CHIC2: variants seen among roughly 807,000 people sequenced by gnomAD.
The protein encoded by CHIC2 is cysteine rich hydrophobic domain 2.
A neutral mutation model predicts 25.9 loss-of-function variants in CHIC2; 14 were observed. That is an observed-to-expected ratio of 0.54 (90% CI 0.36 to 0.85). The LOEUF is 0.85. Among genes scored for constraint, CHIC2 ranks in the 40% least tolerant of loss-of-function variants. The pLI is 0.01. For missense variants in CHIC2, 146 were observed against 202.0 expected, an observed-to-expected ratio of 0.72 and a Z score of 1.68; for synonymous variants, 70 against 72.0, an observed-to-expected ratio of 0.97 and a Z score of 0.14.
At chr4:54,044,488 G>A (rs952242695) in intron 3 of CHIC2, among the ~76,000 whole-genome samples, 3 of 152,188 alleles carry the variant, frequency 2.0e-5, no homozygotes, top group Non-Finnish European at 4.4e-5. Context: ...TCAGGATTAA[G>A]AAACTCACTC....
At chr4:54,071,463 A>G in the CHIC2 span, among the ~76,000 whole-genome samples, 1 of 152,252 alleles carries the variant, frequency 6.6e-6, no homozygotes, top group African/African-American at 2.4e-5. Context: ...TTTAGACATT[A>G]TAAAACTGAA....
At position 54,064,224 on chromosome 4, in the gene CHIC2, G is replaced by C; in HGVS notation, c.77C>G (p.Ser26Trp). Residue 26 changes from serine (S) to tryptophan (W), a missense_variant, in exon 1 of 6, where the codon TCG (serine) becomes TGG (tryptophan). By Grantham distance (177) the Ser-to-Trp change is radical. Coordinates refer to ENST00000263921, the MANE Select transcript of CHIC2 (RefSeq NM_012110.4). The surrounding 1 kb of genome is among the most constrained non-coding windows in gnomAD (Gnocchi z 4.2). ...RALEEQLLKY[S>W]PDPVVVRGSG... ...GCCGCGGACGACCACCGGGTCCGGC[G>C]AGTACTTGAGCAGCTGCTCCTCCAG... 6.2e-7 allele frequency: 1 copy of C among 1,608,250 alleles called. No individual in the cohort carries two copies. The highest frequency in any genetic ancestry group is 8.5e-7 in the Non-Finnish European group (1 of 1,177,504).
intron 3 of CHIC2, among the ~76,000 whole-genome samples, chr4:54,026,402 C>T (rs1167684960): frequency 6.6e-6 from 1 of 151,884 alleles, no homozygotes; most frequent in Non-Finnish European, 1.5e-5. Context: ...CACCTGTAGC[C>T]CCAGCTACTT....
chr4:54,018,750 T>C (rs1715813686), intron 3 of CHIC2, among the ~76,000 whole-genome samples: 1 of 152,088 alleles, frequency 6.6e-6, no homozygotes, highest in Non-Finnish European at 1.5e-5. Flanking sequence ...GCTAATAAAA[T>C]GTACAGAATA....
chr4:54,090,902 CA>C, the CHIC2 span, among the ~76,000 whole-genome samples: 1 of 151,802 alleles, frequency 6.6e-6, no homozygotes, highest in African/African-American at 2.4e-5. Flanking sequence ...ACAGAGGCGA[CA>C]AAACTTGTGT....
chr4:54,040,565 G>C (rs1465981171), intron 3 of CHIC2, among the ~76,000 whole-genome samples: 2 of 152,022 alleles, frequency 1.3e-5, no homozygotes, highest in East Asian at 1.9e-4. Context: ...GCTGGGCATA[G>C]TGTCAGGAGC....
At position 54,009,804 on chromosome 4, in the gene CHIC2, C is replaced by T; in HGVS notation, c.*291G>A. On this transcript the variant is annotated 3_prime_UTR_variant, in exon 6 of 6. Transcript: ENST00000263921. ...GGCTGGCCACTTTTTATGCTAAGTT[C>T]AAATGTATTTTTTTGATAATACAAA... 1 of 269,686 alleles carries T rather than the reference C, an allele frequency of 3.7e-6. No homozygotes were observed. 16.7% of individuals were successfully genotyped at this position (269,686 alleles called of 1,614,324 possible).
At chr4:54,054,148 T>C (rs1476312012) in intron 1 of CHIC2, among the ~76,000 whole-genome samples, 1 of 152,230 alleles carries the variant, frequency 6.6e-6, no homozygotes, top group African/African-American at 2.4e-5. Context: ...GAATATTTTA[T>C]TTGGTATTAA....
At chr4:54,026,520 A>G (rs1716062990) in intron 3 of CHIC2, among the ~76,000 whole-genome samples, 1 of 151,480 alleles carries the variant, frequency 6.6e-6, no homozygotes, top group African/African-American at 2.4e-5. Context: ...ACTCTGTCTC[A>G]AAAAAAAAGA....
At chr4:54,071,127 C>G in the CHIC2 span, among the ~76,000 whole-genome samples, 1 of 152,298 alleles carries the variant, frequency 6.6e-6, no homozygotes, top group South Asian at 2.1e-4. Context: ...GGAAGATGAT[C>G]TAAACTAGGC....
chr4:54,017,950 A>G (rs1040955104), intron 3 of CHIC2, among the ~76,000 whole-genome samples: 2 of 152,218 alleles, frequency 1.3e-5, no homozygotes, highest in East Asian at 3.8e-4. Flanking sequence ...TTAACAGGAG[A>G]TTTAAAAAAT....
upstream of CHIC2, among the ~76,000 whole-genome samples, chr4:54,068,154 A>G (rs986221301): frequency 2.0e-5 from 3 of 152,132 alleles, no homozygotes; most frequent in Admixed American, 1.3e-4. Flanking sequence ...CAGGAACCAA[A>G]TCATCAGGAA....
intron 1 of CHIC2, among the ~76,000 whole-genome samples, chr4:54,063,962 GTA>G (rs1491201806): frequency 4.6e-5 from 7 of 152,262 alleles, no homozygotes; most frequent in Non-Finnish European, 8.8e-5. Context: ...GCCCGGGCCT[GTA>G]GGGCCTGCTA....
At chr4:54,045,584 T>G (rs1433921628) in intron 3 of CHIC2, among the ~76,000 whole-genome samples, 1 of 151,948 alleles carries the variant, frequency 6.6e-6, no homozygotes, top group Non-Finnish European at 1.5e-5. Context: ...AAAAGGCCTT[T>G]GACAAAATTC....
At chr4:54,038,471 C>A (rs531279812) in intron 3 of CHIC2, among the ~76,000 whole-genome samples, 2 of 151,954 alleles carry the variant, frequency 1.3e-5, no homozygotes, top group South Asian at 2.1e-4. Context: ...ACAAAAAAAA[C>A]GTCAAAGACC....
chr4:54,044,650 G>A (rs1361880200), intron 3 of CHIC2, among the ~76,000 whole-genome samples: 3 of 152,122 alleles, frequency 2.0e-5, no homozygotes, highest in African/African-American at 4.8e-5. Flanking sequence ...TCAAAGCAGT[G>A]TGTAGAGGGA....
chr4:54,080,696 G>A, the CHIC2 span, among the ~76,000 whole-genome samples: 23 of 150,694 alleles, frequency 1.5e-4, no homozygotes, highest in African/African-American at 5.1e-4. Context: ...AACCCAGGAG[G>A]TGGAGGCCGA....
chr4:54,040,087 C>T (rs929851951), intron 3 of CHIC2, among the ~76,000 whole-genome samples: 2 of 152,052 alleles, frequency 1.3e-5, no homozygotes, highest in African/African-American at 4.8e-5. Flanking sequence ...TACTACAGCA[C>T]AAGTAAGTTT....
chr4:54,073,528 G>A, the CHIC2 span, among the ~76,000 whole-genome samples: 1 of 152,176 alleles, frequency 6.6e-6, no homozygotes, highest in Admixed American at 6.5e-5. Context: ...AGACTCACAT[G>A]AACAGGAACT....
Sources: gnomAD v4.1 joint callset for allele counts (sites outside exome capture counted in the v4.1 genomes callset) on GRCh38, gnomAD v4.1.1 for gene constraint, Gnocchi (gnomAD v3.1) non-coding constraint, MANE v1.5 for transcripts, NCBI Gene and HGNC (gene_info 2026-07-23, HGNC 2026-07-21) for gene names.